The following DROSHA variants were observed in gnomAD, a reference collection of about 807,000 sequenced individuals.
The protein encoded by DROSHA is drosha ribonuclease III.
Under a neutral mutation model 181.9 loss-of-function variants are expected in DROSHA, and 56 were observed. The ratio of observed to expected loss-of-function variants is 0.31; its 90% CI spans 0.25 to 0.38. DROSHA has a LOEUF of 0.38. DROSHA is among the 10% of genes least tolerant of loss of function. The probability of loss-of-function intolerance (pLI) is 1.00; values close to 1 mark genes in which losing one functional copy is unlikely to be tolerated. For synonymous variants in DROSHA, 524 were observed against 591.2 expected (o/e 0.89, Z 1.65); for missense variants, 1,218 against 1,743.5 (o/e 0.70, Z 5.37).
chr5:31,520,222 G>A (rs983887871), intron 6 of DROSHA, among the ~76,000 whole-genome samples: 3 of 151,460 alleles, frequency 2.0e-5, no homozygotes, highest in East Asian at 1.9e-4. Flanking sequence ...TTTTTTAAAC[G>A]GTTTTAAATT....
In DROSHA at chr5:31,444,744, G is replaced by A. The variant is rs556454083; in HGVS notation, c.2882+3803C>T. Among the ~76,000 whole-genome samples, 36 of 152,266 alleles carry A rather than the reference G, an allele frequency of 2.4e-4. No individual in the cohort carries two copies. The South Asian group carries it at 7.1e-3, about 30-fold the overall frequency. On this transcript the variant is annotated intron_variant, in intron 23 of 35. Transcript: ENST00000344624. ...AAAACCATGGTCACACCATCCCCGA[G>A]GGTGTGATTAAGGGCTGTTTTAATT...
Position 31,515,135 on chromosome 5 carries a change from G to T in DROSHA, c.1143C>A (p.Asp381Glu). The T allele has an allele frequency of 1.5e-5, 25 of 1,613,916 alleles. No homozygotes were observed. Among genetic ancestry groups the T allele is most frequent in the Non-Finnish European group, 2.0e-5 (24 of 1,179,894 alleles). ...RWSDNQSSGK[D>E]KNYTSIKEKE... ...TTTCCTTGATTGAGGTATAGTTCTT[G>T]TCTTTGCCAGAACTCTGGTTGTCAC... Residue 381 changes from aspartate to glutamate, a missense_variant, in exon 8 of 36, where the codon GAC becomes GAA. Asp to Glu is a conservative substitution (Grantham distance 45). Around this residue, in one of 8 missense-constraint regions of DROSHA, gnomAD observed 536 missense variants for 535.4 expected, o/e 1.00. Coordinates refer to ENST00000344624, the MANE Select transcript of DROSHA (RefSeq NM_001382508.1).
At chr5:31,419,822 A>AT (rs1742451932) in intron 30 of DROSHA, among the ~76,000 whole-genome samples, 1 of 152,232 alleles carries the variant, frequency 6.6e-6, no homozygotes, top group Non-Finnish European at 1.5e-5. Flanking sequence ...GTCAGAGGAT[A>AT]TTGAACATGC....
At chr5:31,513,552 A>G (rs374694933) in intron 8 of DROSHA, among the ~76,000 whole-genome samples, 2 of 152,198 alleles carry the variant, frequency 1.3e-5, no homozygotes, top group East Asian at 3.8e-4. Flanking sequence ...TACCACATCA[A>G]CTATGACTTA....
intron 20 of DROSHA, among the ~76,000 whole-genome samples, chr5:31,454,974 A>T (rs1340331092): frequency 6.6e-6 from 1 of 151,484 alleles, no homozygotes; most frequent in Non-Finnish European, 1.5e-5. Context: ...CCAGAGAAAC[A>T]TACCAATAAC....
In DROSHA at chr5:31,515,177, T is replaced by A. The variant is rs1415224797; in HGVS notation, c.1101A>T (p.Glu367Asp). 6.2e-7 allele frequency: 1 copy of A among 1,613,818 alleles called. No individual in the cohort carries two copies. The highest frequency in any genetic ancestry group is 2.2e-5 in the East Asian group (1 of 44,896). Residue 367 changes from glutamate to aspartate, a missense_variant, in exon 8 of 36, where the codon GAA (glutamate) becomes GAT (aspartate). Physicochemically the swap from Glu to Asp is conservative, Grantham distance 45. This residue lies in a region of DROSHA where 536 missense variants were observed against 535.4 expected (regional missense o/e 1.00). Coordinates refer to ENST00000344624, the MANE Select transcript of DROSHA (RefSeq NM_001382508.1). ...SREKKRARWE[E>D]EKDRWSDNQS... ...GGTTGTCACTCCAACGGTCTTTTTC[T>A]TCCTCCCAACGAGCTCTCTTCTTCT...
At chr5:31,477,120 C>T (rs778107425) in intron 16 of DROSHA, among the ~76,000 whole-genome samples, 1 of 152,264 alleles carries the variant, frequency 6.6e-6, no homozygotes, top group Non-Finnish European at 1.5e-5. Flanking sequence ...TCGGGAAGAA[C>T]TGGAGTTTGT....
At chr5:31,447,604 C>A (rs1282400970) in intron 23 of DROSHA, among the ~76,000 whole-genome samples, 1 of 152,134 alleles carries the variant, frequency 6.6e-6, no homozygotes, top group African/African-American at 2.4e-5. Context: ...TTTTGCAAAT[C>A]TGATAAGGAA....
At chr5:31,471,142 T>G (rs1174862141) in intron 17 of DROSHA, among the ~76,000 whole-genome samples, 1 of 152,236 alleles carries the variant, frequency 6.6e-6, no homozygotes, top group Non-Finnish European at 1.5e-5. Flanking sequence ...CCAGAATGTT[T>G]TATTTGCAAA....
At chr5:31,412,846 A>G (rs1284220976) in intron 30 of DROSHA, among the ~76,000 whole-genome samples, 10 of 152,304 alleles carry the variant, frequency 6.6e-5, no homozygotes, top group Non-Finnish European at 1.0e-4. Context: ...AAAGTGATAT[A>G]TCTTTTTTGG....
chr5:31,422,727 G>A (rs2149996494), intron 29 of DROSHA, 60 bp downstream of exon 29: 1 of 1,594,520 alleles, frequency 6.3e-7, no homozygotes, highest in East Asian at 2.2e-5. Flanking sequence ...ATGCTCCAAA[G>A]GTCTGGGACT....
chr5:31,406,869 A>G lies in DROSHA; in HGVS notation c.3931T>C (p.Cys1311Arg). The G allele has an allele frequency of 1.2e-6, 2 of 1,613,744 alleles. No homozygotes were observed. Among genetic ancestry groups the G allele is most frequent in the Non-Finnish European group, 1.7e-6 (2 of 1,179,684 alleles). Reference protein sequence around the residue: ...AVYFKGERIGCGKGPSIQQAE... With the variant: ...AVYFKGERIGRGKGPSIQQAE... ...TTCTCATACCTTGGTCCTTTCCCAC[A>G]GCCTATTCTTTCTCCCTTGAAATAA... is the stretch of plus-strand genomic sequence containing the variant. The change falls in exon 34 of 36, where the codon TGT becomes CGT. Residue 1311 changes from cysteine to arginine, a missense_variant. Coordinates refer to ENST00000344624, the MANE Select transcript of DROSHA (RefSeq NM_001382508.1).
chr5:31,506,873 G>A lies in DROSHA; in HGVS notation c.1587+1748C>T, dbSNP rs4867347. Reference sequence around the variant, plus strand: ...TCCTACATATTCAGCCCTTCACAAGGCTCAACTATACAGAGGACACAAAAC... The same window carrying A: ...TCCTACATATTCAGCCCTTCACAAGACTCAACTATACAGAGGACACAAAAC... On this transcript the variant is annotated intron_variant, in intron 10 of 35. Transcript: ENST00000344624. 0.022 allele frequency among the ~76,000 whole-genome samples: 3,285 copies of A among 152,180 alleles called. 191 individuals are homozygous for A. The East Asian group carries it at 0.22, about 10-fold the overall frequency.
chr5:31,502,595 T>C (rs1417971729), intron 11 of DROSHA, among the ~76,000 whole-genome samples: 2 of 152,174 alleles, frequency 1.3e-5, no homozygotes, highest in East Asian at 3.9e-4. Context: ...GAGTCAAGCA[T>C]ACCCAGGAGC....
At chr5:31,410,909 A>G in intron 30 of DROSHA, 22 bp from the exon 31 acceptor site, 1 of 1,613,254 alleles carries the variant, frequency 6.2e-7, no homozygotes, top group Non-Finnish European at 8.5e-7. Flanking sequence ...GAATGGCGGT[A>G]CATTGAGAAC....
At chr5:31,448,632 A>G in intron 22 of DROSHA, 25 bp from the exon 23 acceptor site, 1 of 1,550,578 alleles carries the variant, frequency 6.4e-7, no homozygotes, top group Non-Finnish European at 8.9e-7. Flanking sequence ...AAACAAATAC[A>G]CAAGTAAATA....
chr5:31,403,287 T>C (rs1444333011), intron 35 of DROSHA, among the ~76,000 whole-genome samples: 1 of 152,200 alleles, frequency 6.6e-6, no homozygotes, highest in African/African-American at 2.4e-5. Context: ...AAAATCAAAT[T>C]TGCATTTGAA....
rs1457091554 is a variant in DROSHA at position 31,470,360 on chromosome 5, C to A, written c.2241+1703G>T. On this transcript the variant is annotated intron_variant, in intron 17 of 35. Coordinates refer to ENST00000344624, the MANE Select transcript of DROSHA (RefSeq NM_001382508.1). This position sits in a 1 kb window ranked among gnomAD's most constrained non-coding sequence, Gnocchi z 4.0. The stretch of plus-strand genomic sequence containing the variant: ...TTTCCTGATGCATCCATTGGCTCAA[C>A]CATTCATCAAAGACTCCTTTCATAT... 1.3e-5 allele frequency among the ~76,000 whole-genome samples: 2 copies of A among 152,184 alleles called. No homozygotes were observed. The highest frequency in any genetic ancestry group is 2.9e-5 in the Non-Finnish European group (2 of 68,036).
chr5:31,508,838 C>CCTGAGT, intron 9 of DROSHA, 63 bp from the exon 10 acceptor site: 2 of 1,415,656 alleles, frequency 1.4e-6, no homozygotes. Flanking sequence ...TTTTTTTTTT[C>CCTGAGT]CCTGAGTTGG....
Sources: gnomAD v4.1 joint callset for allele counts (sites outside exome capture counted in the v4.1 genomes callset) on GRCh38, gnomAD v4.1.1 for gene constraint, gnomAD v4.1.1 regional missense constraint, Gnocchi (gnomAD v3.1) non-coding constraint, MANE v1.5 for transcripts, NCBI Gene and HGNC (gene_info 2026-07-23, HGNC 2026-07-21) for gene names.